MAGI2: variants seen among roughly 807,000 people sequenced by gnomAD.
The protein encoded by MAGI2 is membrane-associated guanylate kinase, WW and PDZ domain-containing protein 2.
Under a neutral mutation model 133.3 loss-of-function variants are expected in MAGI2, and 35 were observed. The ratio of observed to expected loss-of-function variants is 0.26; its 90% CI spans 0.20 to 0.35. The LOEUF (loss-of-function observed/expected upper bound fraction) is 0.35. MAGI2 is among the 10% of genes least tolerant of loss of function. The pLI, the probability that MAGI2 is intolerant of heterozygous loss-of-function variation, is 1.00. For synonymous variants in MAGI2, 729 were observed against 710.6 expected, an observed-to-expected ratio of 1.03 and a Z score of -0.41; for missense variants, 1,636 against 1,863.4, an observed-to-expected ratio of 0.88 and a Z score of 2.25.
chr7:78,123,745 A>C (rs1261508100), intron 20 of MAGI2, among the ~76,000 whole-genome samples: 1 of 152,212 alleles, frequency 6.6e-6, no homozygotes, highest in Non-Finnish European at 1.5e-5. Context: ...TGCAGTTGAC[A>C]CAGGTATCTA....
chr7:78,910,223 CTGCACATTT>C (rs942208063), intron 2 of MAGI2, among the ~76,000 whole-genome samples: 4 of 150,816 alleles, frequency 2.7e-5, no homozygotes, highest in African/African-American at 9.8e-5. Context: ...TGTAACAAAC[CTGCACATTT>C]TGCACGTGAA....
chr7:79,293,871 A>G (rs1412067340), intron 1 of MAGI2, among the ~76,000 whole-genome samples: 2 of 152,134 alleles, frequency 1.3e-5, no homozygotes, highest in Admixed American at 1.3e-4. Flanking sequence ...ACGCCTTCAA[A>G]CAGTACTTCA....
chr7:79,300,136 A>G (rs1211690614), intron 1 of MAGI2, among the ~76,000 whole-genome samples: 1 of 152,182 alleles, frequency 6.6e-6, no homozygotes, highest in Non-Finnish European at 1.5e-5. Context: ...AGGCATTACT[A>G]TAAAGTTACC....
In MAGI2 at chr7:78,135,143, T is replaced by C; in HGVS notation, c.2909A>G (p.Lys970Arg). 1.9e-6 allele frequency: 3 copies of C among 1,614,156 alleles called. No homozygotes were observed. Among genetic ancestry groups the C allele is most frequent in the Non-Finnish European group, 2.5e-6 (3 of 1,180,018 alleles). ...GSPADRCAKL[K>R]VGDRILAVNG... ...CACTGCTAGGATCCGGTCTCCCACT[T>C]TTAGTTTTGCACAGCGATCTGCAGG... The change falls in exon 17 of 22, where the codon AAA becomes AGA. Residue 970 changes from lysine (K) to arginine (R), a missense_variant. Physicochemically the swap from Lys to Arg is conservative, Grantham distance 26 (BLOSUM62 2). Around this residue, in one of 5 missense-constraint regions of MAGI2, gnomAD observed 920 missense variants for 1,093.5 expected, o/e 0.84. Coordinates refer to ENST00000354212, the MANE Select transcript of MAGI2 (RefSeq NM_012301.4).
At chr7:78,889,207 C>G (rs947970370) in intron 2 of MAGI2, among the ~76,000 whole-genome samples, 1 of 152,128 alleles carries the variant, frequency 6.6e-6, no homozygotes, top group Non-Finnish European at 1.5e-5. Flanking sequence ...TGAACAAAGC[C>G]TCCAAGAAAT....
At chr7:79,276,918 TG>T (rs1429216503) in intron 1 of MAGI2, among the ~76,000 whole-genome samples, 1 of 151,970 alleles carries the variant, frequency 6.6e-6, no homozygotes, top group Non-Finnish European at 1.5e-5. Context: ...GAGCTGGGAT[TG>T]CACACTGCAC....
intron 9 of MAGI2, among the ~76,000 whole-genome samples, chr7:78,292,101 A>G (rs940525603): frequency 1.3e-5 from 2 of 152,178 alleles, no homozygotes; most frequent in African/African-American, 2.4e-5. Context: ...GGCAGGAGAA[A>G]GAAATACAGG....
chr7:78,158,757 T>C (rs1286010599), intron 16 of MAGI2, among the ~76,000 whole-genome samples: 1 of 152,200 alleles, frequency 6.6e-6, no homozygotes, highest in African/African-American at 2.4e-5. Flanking sequence ...AATCTGCCTT[T>C]GTAGGACTAA....
At chr7:78,195,643 G>T (rs945115942) in intron 11 of MAGI2, among the ~76,000 whole-genome samples, 1 of 152,126 alleles carries the variant, frequency 6.6e-6, no homozygotes, top group African/African-American at 2.4e-5. Context: ...CATTTACTGT[G>T]GATCTGGTGG....
intron 6 of MAGI2, among the ~76,000 whole-genome samples, chr7:78,412,391 C>T (rs1471035620): frequency 6.6e-6 from 1 of 152,038 alleles, no homozygotes; most frequent in African/African-American, 2.4e-5. Flanking sequence ...TGAGGAATTA[C>T]ATGAGGAAGG....
At chr7:78,333,574 G>A (rs1239739367) in intron 9 of MAGI2, among the ~76,000 whole-genome samples, 1 of 152,194 alleles carries the variant, frequency 6.6e-6, no homozygotes, top group Non-Finnish European at 1.5e-5. Flanking sequence ...TAAATCAATG[G>A]AATGAGGTGG....
chr7:78,837,637 T>A (rs931836128), intron 2 of MAGI2, among the ~76,000 whole-genome samples: 2 of 152,116 alleles, frequency 1.3e-5, no homozygotes, highest in African/African-American at 2.4e-5. Context: ...ATTGTAAAAA[T>A]TAAATATTTC....
chr7:78,170,912 CT>C (rs1826049959), intron 14 of MAGI2: 2 of 152,110 alleles, frequency 1.3e-5, no homozygotes. Flanking sequence ...TTGAATTGAG[CT>C]GAGCATGGTG....
intron 20 of MAGI2, among the ~76,000 whole-genome samples, chr7:78,092,401 T>C (rs887674824): frequency 1.3e-5 from 2 of 152,242 alleles, no homozygotes; most frequent in African/African-American, 4.8e-5. Flanking sequence ...CATTTTACTT[T>C]CTTTGACTAT....
chr7:78,109,303 CAAAAAA>C (rs71085511), intron 20 of MAGI2, among the ~76,000 whole-genome samples: 25 of 19,946 alleles, frequency 1.3e-3, no homozygotes, highest in African/African-American at 3.2e-3. Flanking sequence ...GACTCCGTCT[CAAAAAA>C]AAAAAAAAAA....
intron 1 of MAGI2, among the ~76,000 whole-genome samples, chr7:79,159,889 T>C (rs2364344): frequency 0.016 from 2,445 of 152,206 alleles, 71 homozygotes; most frequent in African/African-American, 0.055. Context: ...TTCTGCATGC[T>C]GTTATATCTC....
chr7:79,447,022 A>C (rs1848903511), intron 1 of MAGI2, among the ~76,000 whole-genome samples: 1 of 152,220 alleles, frequency 6.6e-6, no homozygotes, highest in East Asian at 1.9e-4. Flanking sequence ...ATATTCAATA[A>C]CTTATCAAAG....
At chr7:78,504,246 C>T (rs1374050217) in intron 4 of MAGI2, among the ~76,000 whole-genome samples, 1 of 152,000 alleles carries the variant, frequency 6.6e-6, no homozygotes, top group Non-Finnish European at 1.5e-5. Flanking sequence ...TTAAAGGCCA[C>T]CTTTTCATGG....
intron 1 of MAGI2, among the ~76,000 whole-genome samples, chr7:79,016,753 A>T (rs1005422079): frequency 2.6e-5 from 4 of 152,144 alleles, no homozygotes; most frequent in Non-Finnish European, 5.9e-5. Flanking sequence ...CTAGCATGGA[A>T]ACTGGAGACT....
Sources: gnomAD v4.1 joint callset for allele counts (sites outside exome capture counted in the v4.1 genomes callset) on GRCh38, gnomAD v4.1.1 for gene constraint, gnomAD v4.1.1 regional missense constraint, MANE v1.5 for transcripts, NCBI Gene and HGNC (gene_info 2026-07-23, HGNC 2026-07-21) for gene names.